GARIN4: variants seen among roughly 807,000 people sequenced by gnomAD.
The protein encoded by GARIN4 is Golgi-associated RAB2 interactor protein 4.
At chr1:212,625,224 T>TA in the GARIN4 span, 1 of 1,613,820 alleles carries the variant, frequency 6.2e-7, no homozygotes, top group African/African-American at 1.3e-5. Context: ...GCAAAGAACT[T>TA]AGAGCTCACC....
At chr1:212,625,521 A>G in the GARIN4 span, 1 of 1,614,144 alleles carries the variant, frequency 6.2e-7, no homozygotes, top group Non-Finnish European at 8.5e-7. Context: ...GGAAAGGGGG[A>G]TCAGGACCAG....
chr1:212,626,704 A>C, the GARIN4 span: 23 of 1,538,024 alleles, frequency 1.5e-5, no homozygotes, highest in African/African-American at 2.5e-4. Flanking sequence ...CCCAGAGCTC[A>C]TGGGAGTGTC....
At chr1:212,626,684 T>G in the GARIN4 span, 2 of 1,566,564 alleles carry the variant, frequency 1.3e-6, no homozygotes, top group Non-Finnish European at 1.7e-6. Flanking sequence ...AGCTGGAAGC[T>G]GCAAAGGAGC....
At chr1:212,625,336 G>A in the GARIN4 span, 43 of 1,614,246 alleles carry the variant, frequency 2.7e-5, 1 homozygote, top group South Asian at 4.7e-4. Context: ...ATCTGCAATT[G>A]TGTCCCGCTC....
chr1:212,625,745 G>C, the GARIN4 span: 3 of 1,613,946 alleles, frequency 1.9e-6, no homozygotes, highest in East Asian at 6.7e-5. Flanking sequence ...GGCAGCAACA[G>C]GCACCGTAGC....
chr1:212,626,748 G>T, the GARIN4 span: 49 of 1,497,998 alleles, frequency 3.3e-5, no homozygotes, highest in Non-Finnish European at 3.8e-5. Context: ...CTTTACTGCC[G>T]TTTAAATAAA....
chr1:212,625,252 G>A, the GARIN4 span: 35 of 1,614,032 alleles, frequency 2.2e-5, no homozygotes, highest in South Asian at 3.7e-4. Context: ...TGCCCCTGAG[G>A]TTTGTACGGA....
the GARIN4 span, chr1:212,626,523 A>T: frequency 9.6e-5 from 155 of 1,614,054 alleles, no homozygotes; most frequent in Non-Finnish European, 1.3e-4. Flanking sequence ...CATGGCAGAG[A>T]TGTGAACGTC....
the GARIN4 span, chr1:212,625,968 G>C: frequency 5.6e-6 from 9 of 1,614,250 alleles, no homozygotes; most frequent in South Asian, 5.5e-5. Flanking sequence ...AGCCTTTCCC[G>C]AGAGGGCAGT....
the GARIN4 span, chr1:212,625,366 C>A: frequency 1.2e-6 from 2 of 1,614,256 alleles, no homozygotes; most frequent in South Asian, 2.2e-5. Context: ...GGGATGACCT[C>A]TTTGCCTATT....
chr1:212,625,695 G>A, the GARIN4 span: 2 of 1,614,088 alleles, frequency 1.2e-6, no homozygotes, highest in Non-Finnish European at 8.5e-7. Context: ...CCAGCAACAG[G>A]GGGGATTAAA....
At chr1:212,624,916 GAGTGGCTCCAGCATGAGCATGTTCA>G in the GARIN4 span, 1 of 1,612,160 alleles carries the variant, frequency 6.2e-7, no homozygotes, top group African/African-American at 1.3e-5. Context: ...ATACGGCCCA[GAGTGGCTCCAGCATGAGCATGTTCA>G]ACACCACCAT....
chr1:212,624,761 C>A, the GARIN4 span: 1 of 1,433,418 alleles, frequency 7.0e-7, no homozygotes, highest in Non-Finnish European at 9.1e-7. Flanking sequence ...ATTGAGAGAC[C>A]AGCTGCAGAG....
the GARIN4 span, chr1:212,625,289 C>T: frequency 5.0e-6 from 8 of 1,614,138 alleles, no homozygotes; most frequent in South Asian, 2.2e-5. Context: ...TGAGAAACAA[C>T]AGCTGCGCCT....
At chr1:212,624,728 G>A in the GARIN4 span, 1 of 1,395,394 alleles carries the variant, frequency 7.2e-7, no homozygotes, top group Non-Finnish European at 9.3e-7. Context: ...AGGCAACAGT[G>A]GGGGCCTGTG....
the GARIN4 span, chr1:212,626,670 C>T: frequency 6.3e-7 from 1 of 1,581,402 alleles, no homozygotes; most frequent in Non-Finnish European, 8.6e-7. Context: ...TAAATAAGAC[C>T]CAGAGCTGGA....
the GARIN4 span, chr1:212,626,272 C>T: frequency 6.2e-7 from 1 of 1,614,196 alleles, no homozygotes; most frequent in South Asian, 1.1e-5. Flanking sequence ...CCTCATTCAG[C>T]CACAGAGCCA....
At chr1:212,624,706 T>C in the GARIN4 span, 1 of 1,306,976 alleles carries the variant, frequency 7.7e-7, no homozygotes, top group Non-Finnish European at 1.0e-6. Flanking sequence ...CCCCGGCCTC[T>C]GGGAGGCTCT....
the GARIN4 span, chr1:212,626,290 T>G: frequency 6.2e-7 from 1 of 1,613,864 alleles, no homozygotes; most frequent in Non-Finnish European, 8.5e-7. Flanking sequence ...CCAATAGAGA[T>G]GACAAAAAGG....
Sources: gnomAD v4.1 joint callset for allele counts on GRCh38, gnomAD v4.1.1 for gene constraint, MANE v1.5 for transcripts, NCBI Gene and HGNC (gene_info 2026-07-23, HGNC 2026-07-21) for gene names.